Variants in UIMC1 observed in about 807,000 individuals in gnomAD.
UIMC1 encodes the protein ubiquitin interaction motif containing 1, also known as BRCA1-A complex subunit RAP80.
In UIMC1, 42 loss-of-function variants were observed where a neutral mutation model predicts 84.9. The observed-to-expected ratio is 0.49, with a 90% CI of 0.39 to 0.64. UIMC1 has a LOEUF of 0.64. Among genes scored for constraint, UIMC1 ranks in the 30% least tolerant of loss-of-function variants. UIMC1 has a pLI of 0.00. For missense variants in UIMC1, 825 were observed against 847.6 expected (o/e 0.97, Z 0.33); for synonymous variants, 281 against 293.0 (o/e 0.96, Z 0.42).
chr5:177,003,245 C>G (rs768766316), intron 1 of UIMC1, among the ~76,000 whole-genome samples: 3 of 152,116 alleles, frequency 2.0e-5, no homozygotes, highest in African/African-American at 7.2e-5. Flanking sequence ...TTTTATATCC[C>G]AGTTTATACT....
intron 12 of UIMC1, 48 bp downstream of exon 12, chr5:176,908,475 G>A: frequency 6.4e-7 from 1 of 1,570,060 alleles, no homozygotes; most frequent in Non-Finnish European, 8.6e-7. Flanking sequence ...TCTTACAACT[G>A]ACAACCAGGA....
intron 12 of UIMC1, 56 bp downstream of exon 12, chr5:176,908,467 T>C (rs1398647060): frequency 1.3e-6 from 2 of 1,564,102 alleles, no homozygotes. Flanking sequence ...CTGTGGCCTC[T>C]TACAACTGAC....
At chr5:176,910,764 G>A (rs954157552) in intron 11 of UIMC1, among the ~76,000 whole-genome samples, 3 of 152,212 alleles carry the variant, frequency 2.0e-5, no homozygotes, top group East Asian at 1.9e-4. Flanking sequence ...GGATACAGAG[G>A]CCACCTACAC....
At chr5:177,001,518 C>T (rs973023450) in intron 1 of UIMC1, 3 of 151,996 alleles carry the variant, frequency 2.0e-5, no homozygotes, top group Non-Finnish European at 4.4e-5. Context: ...GAGCACAGAA[C>T]GTTATCTTAG....
chr5:176,992,730 A>C (rs989444093), intron 1 of UIMC1, among the ~76,000 whole-genome samples: 1 of 151,936 alleles, frequency 6.6e-6, no homozygotes, highest in Non-Finnish European at 1.5e-5. Context: ...CACCTGAACC[A>C]GGGAGGTCAA....
intron 10 of UIMC1, among the ~76,000 whole-genome samples, chr5:176,930,762 T>C (rs1762980473): frequency 6.6e-6 from 1 of 152,224 alleles, no homozygotes. Context: ...AAAGAAGTAA[T>C]GTTCATCTGA....
intron 8 of UIMC1, among the ~76,000 whole-genome samples, chr5:176,953,956 T>C (rs1766247109): frequency 6.6e-6 from 1 of 152,192 alleles, no homozygotes; most frequent in Non-Finnish European, 1.5e-5. Context: ...AAATTATATA[T>C]TTAAAAAGAA....
intron 6 of UIMC1, among the ~76,000 whole-genome samples, chr5:176,961,685 A>AG (rs1767468457): frequency 1.6e-4 from 1 of 6,074 alleles, no homozygotes; most frequent in Non-Finnish European, 3.1e-4. Context: ...CCGGGAGGTG[A>AG]GGGGCGCCTC....
At chr5:176,975,017 G>A (rs750127572) in intron 3 of UIMC1, among the ~76,000 whole-genome samples, 12 of 151,816 alleles carry the variant, frequency 7.9e-5, no homozygotes, top group Non-Finnish European at 1.0e-4. Context: ...GCCAGGCGTC[G>A]TGGGGCATAG....
chr5:176,980,995 C>T (rs1420071247), intron 2 of UIMC1, among the ~76,000 whole-genome samples: 1 of 152,164 alleles, frequency 6.6e-6, no homozygotes, highest in Non-Finnish European at 1.5e-5. Context: ...CCTGTCTAAG[C>T]TTCCCGAAGC....
intron 8 of UIMC1, among the ~76,000 whole-genome samples, chr5:176,953,872 C>CA (rs1766238286): frequency 6.6e-6 from 1 of 152,088 alleles, no homozygotes; most frequent in East Asian, 1.9e-4. Context: ...AAACAGGTAA[C>CA]AGTCTACTAC....
chr5:176,979,874 G>A lies in UIMC1; in HGVS notation c.147+2595C>T, dbSNP rs141938251. ...AGAACTAGTAAAGTATTATTTTCTG[G>A]TGTGTCTGTCCGGGTGTTTGCAGAG... On this transcript the variant is annotated intron_variant, in intron 2 of 14. Coordinates refer to ENST00000511320, the MANE Select transcript of UIMC1 (RefSeq NM_001199298.2). 9.1e-3 allele frequency among the ~76,000 whole-genome samples: 1,384 copies of A among 152,238 alleles called. 7 individuals carry two copies. Among genetic ancestry groups the A allele is most frequent in the South Asian group, 0.025 (121 of 4,824 alleles).
chr5:176,950,595 C>A (rs1471524961), intron 9 of UIMC1, among the ~76,000 whole-genome samples: 1 of 151,434 alleles, frequency 6.6e-6, no homozygotes, highest in South Asian at 2.1e-4. Flanking sequence ...GAGGACCGGG[C>A]GCGGTGGCTC....
chr5:176,999,489 T>C (rs1358149299), intron 1 of UIMC1, among the ~76,000 whole-genome samples: 1 of 152,140 alleles, frequency 6.6e-6, no homozygotes. Context: ...TATCAAATAC[T>C]GGGTCTTATT....
intron 4 of UIMC1, 174 bp from the exon 5 acceptor site, chr5:176,969,880 T>C: frequency 1.6e-6 from 1 of 613,824 alleles, no homozygotes; most frequent in Non-Finnish European, 2.8e-6. Flanking sequence ...CAAAGTGTTG[T>C]ACTAGATCAC....
chr5:176,967,858 G>A (rs1768539682), intron 6 of UIMC1, among the ~76,000 whole-genome samples: 1 of 151,106 alleles, frequency 6.6e-6, no homozygotes, highest in Non-Finnish European at 1.5e-5. Context: ...ACCCAAGATG[G>A]CATCGGTGCA....
chr5:176,913,268 G>T (rs75332147), intron 10 of UIMC1, among the ~76,000 whole-genome samples: 1 of 152,148 alleles, frequency 6.6e-6, no homozygotes, highest in African/African-American at 2.4e-5. Context: ...TAATCCTTAT[G>T]ATGACCCTCC....
chr5:176,951,238 C>T (rs931017271), intron 9 of UIMC1, among the ~76,000 whole-genome samples: 56 of 152,010 alleles, frequency 3.7e-4, no homozygotes, highest in Non-Finnish European at 7.4e-5. Context: ...TCTGTTTCCC[C>T]ATCTCTAATA....
rs926631879 is a variant in UIMC1, at chr5:177,015,418, G to A, written c.-9+7046C>T. Among the ~76,000 whole-genome samples, 23 of 152,088 alleles carry A rather than the reference G, an allele frequency of 1.5e-4. 1 individual carries two copies. Among genetic ancestry groups the A allele is most frequent in the African/African-American group, 5.6e-4 (23 of 41,422 alleles). On this transcript the variant is annotated intron_variant, in intron 1 of 5. Coordinates refer to the UIMC1 transcript ENST00000509236. ...ACATTGTCAGGGTTCAAGATATGAC[G>A]GCTATCTGTTGCAGCTGGACTCTCT...
Sources: gnomAD v4.1 joint callset for allele counts (sites outside exome capture counted in the v4.1 genomes callset) on GRCh38, gnomAD v4.1.1 for gene constraint, MANE v1.5 for transcripts, NCBI Gene and HGNC (gene_info 2026-07-23, HGNC 2026-07-21) for gene names.